NUF2: variants seen among roughly 807,000 people sequenced by gnomAD.
The protein encoded by NUF2 is kinetochore protein Nuf2.
Under a neutral mutation model 61.8 loss-of-function variants are expected in NUF2, and 34 were observed. That is an observed-to-expected ratio of 0.55 (90% CI 0.42 to 0.73). The LOEUF (loss-of-function observed/expected upper bound fraction) is 0.73, where lower values mean the gene tolerates loss of function less well. NUF2 is among the 30% of genes least tolerant of loss of function. NUF2 has a pLI of 0.00. For synonymous variants in NUF2, 172 were observed against 181.6 expected (o/e 0.95, Z 0.42); for missense variants, 445 against 539.1 (o/e 0.83, Z 1.73).
chr1:163,343,750 G>C lies in NUF2; in HGVS notation c.687G>C (p.Ser229=), dbSNP rs757839841. ...CTCAACAGAATGAACTAAAATTGTCGGTGGTTTCTTTGAAAGAAATACAAG... is the reference window on the plus strand; with the variant it reads ...CTCAACAGAATGAACTAAAATTGTCCGTGGTTTCTTTGAAAGAAATACAAG... ...KTKRLNELKL[S]VVSLKEIQES... The change falls in exon 10 of 14, where the codon TCG becomes TCC. Residue 229 remains serine, a synonymous_variant. Transcript: ENST00000271452. 9.3e-6 allele frequency: 13 copies of C among 1,395,588 alleles called. No individual in the cohort carries two copies. The highest frequency in any genetic ancestry group is 3.0e-5 in the African/African-American group (2 of 66,228). 86.5% of individuals were successfully genotyped at this position (1,395,588 alleles called of 1,614,324 possible).
chr1:163,347,392 C>G (rs2292273), intron 11 of NUF2, among the ~76,000 whole-genome samples: 45,893 of 152,006 alleles, frequency 0.3, 7,438 homozygotes, highest in East Asian at 0.6. Context: ...ATTGTGTTAC[C>G]CAAAAAAGAT....
At chr1:163,335,843 C>A (rs1650741419) in intron 5 of NUF2, among the ~76,000 whole-genome samples, 1 of 151,948 alleles carries the variant, frequency 6.6e-6, no homozygotes, top group Non-Finnish European at 1.5e-5. Flanking sequence ...CTTCATGAAT[C>A]CTTTTTATTT....
At chr1:163,338,144 G>A in intron 7 of NUF2, 51 bp downstream of exon 7, 1 of 1,390,032 alleles carries the variant, frequency 7.2e-7, no homozygotes, top group Admixed American at 1.7e-5. Flanking sequence ...AATGCAAAAT[G>A]AATTGTAAGT....
At chr1:163,328,978 TAAAAAA>T (rs5778324) in intron 5 of NUF2, 71 bp downstream of exon 5, 1 of 474,428 alleles carries the variant, frequency 2.1e-6, no homozygotes, top group Non-Finnish European at 3.5e-6. Context: ...TCAGTAAATG[TAAAAAA>T]AAAAAAAAAG....
chr1:163,326,180 AG>A lies in NUF2; in HGVS notation c.123+8del, dbSNP rs796236042. The A allele has an allele frequency of 5.6e-6, 9 of 1,611,792 alleles. No individual in the cohort carries two copies. In the African/African-American group the frequency reaches 1.2e-4, roughly 21 times the overall value. ...ATCTTTATCCAAATCCAAAGGTAAA[AG>A]GTGGTTACGTTTGCATGTGGATAAT... On this transcript the variant is annotated splice_region_variant and intron_variant, in intron 2 of 13. Coordinates refer to ENST00000271452, the MANE Select transcript of NUF2 (RefSeq NM_145697.3).
chr1:163,326,507 G>C (rs1430390002), intron 2 of NUF2, among the ~76,000 whole-genome samples: 3 of 151,876 alleles, frequency 2.0e-5, no homozygotes, highest in Non-Finnish European at 4.4e-5. Flanking sequence ...GGGCTTCAAG[G>C]AACTTATTCC....
chr1:163,322,679 T>C (rs1232170573), intron 1 of NUF2, among the ~76,000 whole-genome samples: 1 of 152,250 alleles, frequency 6.6e-6, no homozygotes, highest in Admixed American at 6.5e-5. Flanking sequence ...CACAAATAGT[T>C]TATTTTAACA....
chr1:163,341,607 A>G (rs1475637999), intron 9 of NUF2, among the ~76,000 whole-genome samples: 1 of 151,482 alleles, frequency 6.6e-6, no homozygotes, highest in Non-Finnish European at 1.5e-5. Flanking sequence ...TTGTTTGTGT[A>G]CCTTGTTTAT....
intron 6 of NUF2, among the ~76,000 whole-genome samples, chr1:163,337,620 C>T (rs1650806462): frequency 6.6e-6 from 1 of 152,114 alleles, no homozygotes; most frequent in Non-Finnish European, 1.5e-5. Flanking sequence ...AGACACACCT[C>T]AGACATCTAT....
rs569289830 is a variant in NUF2, at chr1:163,341,841, G to T, written c.669+1415G>T. Among the ~76,000 whole-genome samples the T allele has an allele frequency of 4.6e-5, 7 of 152,136 alleles. No homozygotes were observed. In the East Asian group the frequency reaches 1.4e-3, roughly 29 times the overall value. Reference sequence around the variant, plus strand: ...GATGGGGTTTTACCATGTTGGCCAGGCTGGTTTTGAACTCCTGACCTCAGG... The same window carrying T: ...GATGGGGTTTTACCATGTTGGCCAGTCTGGTTTTGAACTCCTGACCTCAGG... On this transcript the variant is annotated intron_variant, in intron 9 of 13. Coordinates refer to ENST00000271452, the MANE Select transcript of NUF2 (RefSeq NM_145697.3).
intron 1 of NUF2, among the ~76,000 whole-genome samples, chr1:163,325,255 G>A (rs1430564620): frequency 1.3e-5 from 2 of 152,062 alleles, no homozygotes; most frequent in East Asian, 1.9e-4. Context: ...CCTATACATC[G>A]TAAGATGTTT....
chr1:163,331,241 G>T (rs1311723805), intron 5 of NUF2, among the ~76,000 whole-genome samples: 1 of 151,580 alleles, frequency 6.6e-6, no homozygotes, highest in Non-Finnish European at 1.5e-5. Flanking sequence ...ATCATGAAGG[G>T]TATTAAATGC....
intron 13 of NUF2, among the ~76,000 whole-genome samples, chr1:163,350,076 C>T (rs3010374): frequency 0.3 from 45,769 of 151,362 alleles, 7,416 homozygotes; most frequent in East Asian, 0.6. Flanking sequence ...CCGAGGCGGG[C>T]GGATCACGAG....
chr1:163,338,445 C>G (rs1045408098), intron 7 of NUF2, among the ~76,000 whole-genome samples: 2 of 151,874 alleles, frequency 1.3e-5, no homozygotes, highest in African/African-American at 4.8e-5. Flanking sequence ...TTGATTCCAT[C>G]AAATGTTTAC....
rs114697879 is a variant in NUF2, at chr1:163,324,757, T to G, written c.-20-1275T>G. On this transcript the variant is annotated intron_variant, in intron 1 of 13. Coordinates refer to ENST00000271452, the MANE Select transcript of NUF2 (RefSeq NM_145697.3). Reference sequence around the variant, plus strand: ...ATTTTTGTGGTTACAGGGAGAGATATGAAGAAAATGAAAAGATCCTTACTT... The same window carrying G: ...ATTTTTGTGGTTACAGGGAGAGATAGGAAGAAAATGAAAAGATCCTTACTT... 2.6e-3 allele frequency among the ~76,000 whole-genome samples: 403 copies of G among 152,226 alleles called. 3 individuals carry two copies. The highest frequency in any genetic ancestry group is 8.2e-3 in the African/African-American group (340 of 41,506).
chr1:163,350,963 C>A (rs990794401), intron 13 of NUF2, among the ~76,000 whole-genome samples: 4 of 152,166 alleles, frequency 2.6e-5, no homozygotes, highest in East Asian at 3.8e-4. Context: ...CAGCCCAGAT[C>A]TTCTCTGTGG....
At chr1:163,348,570 C>T (rs1462692673) in intron 12 of NUF2, among the ~76,000 whole-genome samples, 1 of 152,060 alleles carries the variant, frequency 6.6e-6, no homozygotes, top group East Asian at 1.9e-4. Flanking sequence ...ATGTTTGTTG[C>T]CAAACTGCCT....
At chr1:163,343,362 C>T (rs907116116) in intron 9 of NUF2, among the ~76,000 whole-genome samples, 7 of 152,134 alleles carry the variant, frequency 4.6e-5, no homozygotes, top group Admixed American at 3.3e-4. Context: ...ACAAATTTAG[C>T]AGGCAGACCG....
At chr1:163,335,672 G>T (rs1650735511) in intron 5 of NUF2, among the ~76,000 whole-genome samples, 1 of 151,568 alleles carries the variant, frequency 6.6e-6, no homozygotes. Flanking sequence ...TATACAATTT[G>T]GAAAATATTC....
Sources: allele counts gnomAD v4.1 joint callset (sites outside exome capture counted in the v4.1 genomes callset), GRCh38; gene constraint gnomAD v4.1.1; transcripts MANE v1.5; gene names NCBI Gene and HGNC (gene_info 2026-07-23, HGNC 2026-07-21).